Variants in XPOT observed in about 807,000 individuals in gnomAD.
XPOT encodes the protein exportin for tRNA, also known as exportin-T.
XPOT carries 34 observed loss-of-function variants against 128.2 expected under a neutral mutation model. That is an observed-to-expected ratio of 0.27 (90% CI 0.20 to 0.35). XPOT has a LOEUF of 0.35. Among genes scored for constraint, XPOT ranks in the 10% least tolerant of loss-of-function variants. The probability of loss-of-function intolerance (pLI) is 1.00; values close to 1 mark genes in which losing one functional copy is unlikely to be tolerated. For missense variants in XPOT, 838 were observed against 1,125.3 expected (o/e 0.74, Z 3.65); for synonymous variants, 348 against 394.3 (o/e 0.88, Z 1.39).
At chr12:64,448,074 A>C (rs1436717149) in intron 24 of XPOT, 31 bp from the exon 25 acceptor site, 2 of 1,604,418 alleles carry the variant, frequency 1.2e-6, no homozygotes, top group East Asian at 4.5e-5. Context: ...TTCTGACATT[A>C]GTATTGATTG....
intron 2 of XPOT, 112 bp downstream of exon 2, chr12:64,410,207 A>ATATATT: frequency 1.1e-6 from 1 of 920,322 alleles, no homozygotes; most frequent in Non-Finnish European, 1.7e-6. Context: ...ATGAACAGAA[A>ATATATT]CAAAAAAATT....
At chr12:64,411,179 A>G (rs182039084) in intron 2 of XPOT, among the ~76,000 whole-genome samples, 1 of 152,360 alleles carries the variant, frequency 6.6e-6, no homozygotes, top group East Asian at 1.9e-4. Flanking sequence ...GGACATCAAA[A>G]GACATTTAAA....
chr12:64,429,397 C>T (rs527771163), intron 16 of XPOT, among the ~76,000 whole-genome samples: 116 of 151,938 alleles, frequency 7.6e-4, no homozygotes, highest in Non-Finnish European at 1.5e-3. Flanking sequence ...TAATGCTTTA[C>T]TGTGTGTTGT....
intron 2 of XPOT, among the ~76,000 whole-genome samples, chr12:64,411,504 C>A (rs1485203065): frequency 6.6e-6 from 1 of 152,088 alleles, no homozygotes; most frequent in Non-Finnish European, 1.5e-5. Flanking sequence ...AAAATTAAAA[C>A]CAATACATTA....
chr12:64,433,669 C>A, intron 19 of XPOT, 66 bp downstream of exon 19: 1 of 1,399,682 alleles, frequency 7.1e-7, no homozygotes. Flanking sequence ...ATCTATATGA[C>A]CAAGAGCAAA....
In XPOT at chr12:64,433,512, T is replaced by C. The variant is rs749879025; in HGVS notation, c.2361T>C (p.Ala787=). ...LRPAEENDQS[A]ALEKQMLRRS... ...CAGCAGAAGAAAATGACCAGTCTGC[T>C]GCTTTAGAGAAGCAGATGTTGCGGA... is the stretch of plus-strand genomic sequence containing the variant. Residue 787 remains alanine, a synonymous_variant, in exon 19 of 25, where the codon GCT becomes GCC. Coordinates refer to ENST00000332707, the MANE Select transcript of XPOT (RefSeq NM_007235.6). 2.2e-5 allele frequency: 35 copies of C among 1,613,176 alleles called. No individual in the cohort carries two copies. Among genetic ancestry groups the C allele is most frequent in the Non-Finnish European group, 2.6e-5 (31 of 1,179,492 alleles).
At chr12:64,420,895 G>C (rs1456047283) in intron 8 of XPOT, among the ~76,000 whole-genome samples, 1 of 152,134 alleles carries the variant, frequency 6.6e-6, no homozygotes, top group Admixed American at 6.6e-5. Flanking sequence ...CCGTCTCCCG[G>C]GTTCAAGTGA....
chr12:64,415,242 C>T (rs1172049857), intron 3 of XPOT, among the ~76,000 whole-genome samples: 3 of 151,934 alleles, frequency 2.0e-5, no homozygotes, highest in Non-Finnish European at 4.4e-5. Context: ...CAGATCCCAG[C>T]TGGAATAAAG....
intron 24 of XPOT, among the ~76,000 whole-genome samples, chr12:64,445,950 T>G (rs1295240678): frequency 1.3e-5 from 2 of 152,388 alleles, no homozygotes; most frequent in Non-Finnish European, 2.9e-5. Context: ...GTAAATAATT[T>G]AAGTGTGCCA....
intron 20 of XPOT, 54 bp downstream of exon 20, chr12:64,434,677 T>G (rs1203224185): frequency 6.4e-7 from 1 of 1,559,098 alleles, no homozygotes; most frequent in East Asian, 2.2e-5. Flanking sequence ...CATAAAACTC[T>G]TAGACATAAT....
Position 64,449,615 on chromosome 12 carries a change from C to A in XPOT, c.*1484C>A, listed in dbSNP as rs149953752. 5 of 152,090 alleles carry A rather than the reference C, an allele frequency of 3.3e-5. No individual in the cohort carries two copies. Among genetic ancestry groups the A allele is most frequent in the African/African-American group, 1.2e-4 (5 of 41,498 alleles). 9.4% of individuals were successfully genotyped at this position (152,090 alleles called of 1,614,324 possible). On this transcript the variant is annotated 3_prime_UTR_variant, in exon 25 of 25. Coordinates refer to ENST00000332707, the MANE Select transcript of XPOT (RefSeq NM_007235.6). ...TAAATTTTGTACATTTATTTTGTTC[C>A]GGTTAATTCCAGAAGACATTTCAAA...
At chr12:64,425,734 G>T (rs1056471458) in intron 14 of XPOT, 81 bp from the exon 15 acceptor site, 2 of 1,381,400 alleles carry the variant, frequency 1.4e-6, no homozygotes, top group African/African-American at 2.9e-5. Flanking sequence ...GTAAAATTTG[G>T]TGTGAACAAA....
chr12:64,415,532 G>A (rs574856883), intron 3 of XPOT, among the ~76,000 whole-genome samples: 4 of 151,974 alleles, frequency 2.6e-5, no homozygotes, highest in Admixed American at 2.0e-4. Context: ...CCATCACCAT[G>A]CCCGGCTAAT....
In XPOT at chr12:64,428,034, CT is replaced by C; in HGVS notation, c.1668-12del. The C allele has an allele frequency of 2.0e-6, 3 of 1,507,654 alleles. No homozygotes were observed. The highest frequency in any genetic ancestry group is 2.1e-4 in the Middle Eastern group (1 of 4,708). The allele number at this position is 1,507,654 out of a possible 1,614,324, so 93.4% of individuals were successfully genotyped here. On this transcript the variant is annotated splice_polypyrimidine_tract_variant and intron_variant, in intron 15 of 24. Coordinates refer to ENST00000332707, the MANE Select transcript of XPOT (RefSeq NM_007235.6). ...GAGCACTGTTATTAATTGTGATTTC[CT>C]TTTTCTGTTTTTCAGTAAGCAAATG...
In XPOT at chr12:64,434,609, T is replaced by C; in HGVS notation, c.2555T>C (p.Leu852Ser). Residue 852 changes from leucine to serine, a missense_variant, in exon 20 of 25, where the codon TTG (leucine) becomes TCG (serine). By Grantham distance (145) the Leu-to-Ser change is moderately radical (BLOSUM62 -2). This residue lies in a region of XPOT where 21 missense variants were observed against 57.8 expected (regional missense o/e 0.36). Transcript: ENST00000332707. Reference protein sequence around the residue: ...QKTCFIILSKLVELWGGKDGP... With the variant: ...QKTCFIILSKSVELWGGKDGP... ...ACATGTTTTATCATCCTCTCAAAGT[T>C]GGTAGAACTCTGGGGTAAGATAATT... The C allele has an allele frequency of 6.2e-7, 1 of 1,613,528 alleles. No individual in the cohort carries two copies.
chr12:64,425,490 G>T, intron 14 of XPOT, 33 bp downstream of exon 14: 2 of 1,608,396 alleles, frequency 1.2e-6, no homozygotes, highest in Non-Finnish European at 1.7e-6. Flanking sequence ...ACTTTCCATG[G>T]GTTTCAGCTA....
intron 21 of XPOT, among the ~76,000 whole-genome samples, 156 bp from the exon 22 acceptor site, chr12:64,435,471 G>T (rs1410772168): frequency 6.6e-6 from 1 of 152,010 alleles, no homozygotes; most frequent in African/African-American, 2.4e-5. Context: ...CCATCTGCCT[G>T]TTACCTTTCC....
rs369665573 is a variant in XPOT at position 64,409,908 on chromosome 12, G to A, written c.-74-54G>A. 399 of 722,504 alleles carry A rather than the reference G, an allele frequency of 5.5e-4. 9 individuals carry two copies. In the South Asian group the frequency reaches 5.8e-3, roughly 10 times the overall value. 44.8% of individuals were successfully genotyped at this position (722,504 alleles called of 1,614,324 possible). ...TATCCATTTACGTTATTCAGGATAAGCATCTATTTGTTTATCAAGTAATGT... is the reference window on the plus strand; with the variant it reads ...TATCCATTTACGTTATTCAGGATAAACATCTATTTGTTTATCAAGTAATGT... On this transcript the variant is annotated intron_variant, in intron 1 of 24. Coordinates refer to ENST00000332707, the MANE Select transcript of XPOT (RefSeq NM_007235.6).
intron 22 of XPOT, among the ~76,000 whole-genome samples, chr12:64,438,650 CAG>C (rs2040301503): frequency 6.9e-6 from 1 of 145,436 alleles, no homozygotes; most frequent in Non-Finnish European, 1.5e-5. Context: ...TTTTTTGAGA[CAG>C]AGTCTCGCTC....
Sources: gnomAD v4.1 joint callset for allele counts (sites outside exome capture counted in the v4.1 genomes callset) on GRCh38, gnomAD v4.1.1 for gene constraint, gnomAD v4.1.1 regional missense constraint, MANE v1.5 for transcripts, NCBI Gene and HGNC (gene_info 2026-07-23, HGNC 2026-07-21) for gene names.